The following LARP1 variants were observed in gnomAD, a reference collection of about 807,000 sequenced individuals.
The protein encoded by LARP1 is La ribonucleoprotein 1, translational regulator, also known as la-related protein 1.
In LARP1, 36 loss-of-function variants were observed where a neutral mutation model predicts 122.7. The ratio of observed to expected loss-of-function variants is 0.29; its 90% CI spans 0.22 to 0.39. The LOEUF (loss-of-function observed/expected upper bound fraction) is 0.39. LARP1 is among the 10% of genes least tolerant of loss of function. LARP1 has a pLI of 1.00. For synonymous variants in LARP1, 539 were observed against 528.7 expected, an observed-to-expected ratio of 1.02 and a Z score of -0.27; for missense variants, 1,040 against 1,403.6, an observed-to-expected ratio of 0.74 and a Z score of 4.14.
chr5:154,805,008 C>A (rs1758647235), intron 14 of LARP1: 1 of 433,458 alleles, frequency 2.3e-6, no homozygotes, highest in African/African-American at 2.0e-5. Context: ...TAACCAGAAG[C>A]CTTACCAATA....
At chr5:154,763,544 C>T (rs960328975) in intron 1 of LARP1, among the ~76,000 whole-genome samples, 2 of 151,134 alleles carry the variant, frequency 1.3e-5, no homozygotes, top group African/African-American at 2.4e-5. Flanking sequence ...TTTGGGAGAC[C>T]GAGATGGTAG....
At position 154,793,910 on chromosome 5, in the gene LARP1, A is replaced by T. The variant is rs368771276; in HGVS notation, c.979A>T (p.Ser327Cys). ...CCAGGATGAGACATCGAGTGTGAAG[A>T]GTGATGGGGCTGGTGGGGCGCGGGC... ...HDQDETSSVKSDGAGGARASF... is the reference protein window; with the variant it reads ...HDQDETSSVKCDGAGGARASF... The change falls in exon 6 of 19, where the codon AGT becomes TGT. Residue 327 changes from serine (S) to cysteine (C), a missense_variant. Coordinates refer to ENST00000518297, the MANE Select transcript of LARP1 (RefSeq NM_033551.3). 145 of 1,613,904 alleles carry T rather than the reference A, an allele frequency of 9.0e-5. No homozygotes were observed. Among genetic ancestry groups the T allele is most frequent in the Non-Finnish European group, 1.2e-4 (138 of 1,179,998 alleles).
chr5:154,709,598 ATTTTTTTTTTTTTTTTT>A (rs60062105), upstream of LARP1, among the ~76,000 whole-genome samples: 1 of 81,350 alleles, frequency 1.2e-5, no homozygotes, highest in Non-Finnish European at 2.3e-5. Flanking sequence ...CTCCAGTGAG[ATTTTTTTTTTTTTTTTT>A]TTTTTTTTTT....
intron 1 of LARP1, among the ~76,000 whole-genome samples, chr5:154,772,178 G>C (rs562852096): frequency 1.3e-5 from 2 of 152,126 alleles, no homozygotes; most frequent in Non-Finnish European, 2.9e-5. Context: ...AAATTTTCTA[G>C]TAGCCAAAAC....
rs535535522 is a variant in LARP1, at chr5:154,766,779, T to A, written c.436+10586T>A. 2.0e-5 allele frequency among the ~76,000 whole-genome samples: 3 copies of A among 152,342 alleles called. No homozygotes were observed. In the East Asian group the frequency reaches 5.8e-4, roughly 29 times the overall value. ...TTTGCCTACAGATAGGCTGCTACCC[T>A]GAGTTCTTGAGAACATTGGGCTATA... On this transcript the variant is annotated intron_variant, in intron 1 of 18. Transcript: ENST00000518297.
At chr5:154,809,882 T>C (rs563671563) in intron 16 of LARP1, among the ~76,000 whole-genome samples, 24 of 151,842 alleles carry the variant, frequency 1.6e-4, no homozygotes, top group South Asian at 1.2e-3. Context: ...ATTTTTTTTG[T>C]ATTTTTAGTA....
At position 154,762,254 on chromosome 5, in the gene LARP1, A is replaced by C. The variant is rs536168807; in HGVS notation, c.436+6061A>C. On this transcript the variant is annotated intron_variant, in intron 1 of 18. Transcript: ENST00000518297. Reference sequence around the variant, plus strand: ...GCAAGACTCCATCTCAAAACAAAACAAAAAAACCAAAAAAACCTCCTACAC... The same window carrying C: ...GCAAGACTCCATCTCAAAACAAAACCAAAAAACCAAAAAAACCTCCTACAC... Among the ~76,000 whole-genome samples the C allele has an allele frequency of 4.6e-5, 7 of 152,200 alleles. No individual in the cohort carries two copies. In the South Asian group the frequency reaches 1.0e-3, roughly 23 times the overall value.
rs749985977 is a variant in LARP1 at position 154,805,950 on chromosome 5, C to T, written c.2616C>T (p.Phe872=). ...GTACCCCTCAGTCATTGCCCAAGTTCCAGCATCCTTCCCATGAACTGCTCA... is the reference window on the plus strand; with the variant it reads ...GTACCCCTCAGTCATTGCCCAAGTTTCAGCATCCTTCCCATGAACTGCTCA... The part of the protein sequence containing the change: ...YGCTPQSLPK[F]QHPSHELLKE... Residue 872 remains phenylalanine, a synonymous_variant, in exon 15 of 19, where the codon TTC becomes TTT. Coordinates refer to ENST00000518297, the MANE Select transcript of LARP1 (RefSeq NM_033551.3). 1 of 1,614,190 alleles carries T rather than the reference C, an allele frequency of 6.2e-7. No homozygotes were observed. The highest frequency in any genetic ancestry group is 2.2e-5 in the East Asian group (1 of 44,886).
intron 16 of LARP1, among the ~76,000 whole-genome samples, chr5:154,809,841 G>A (rs1024623576): frequency 4.6e-5 from 7 of 151,676 alleles, no homozygotes; most frequent in Non-Finnish European, 2.9e-5. Context: ...GAGTAGCTGG[G>A]ACCACAGGCG....
At chr5:154,772,316 G>A (rs1755504358) in intron 1 of LARP1, among the ~76,000 whole-genome samples, 1 of 152,150 alleles carries the variant, frequency 6.6e-6, no homozygotes, top group South Asian at 2.1e-4. Flanking sequence ...CTTGATTTGG[G>A]CTAGGAACAT....
chr5:154,690,369 G>T (rs1230903043), intron 1 of LARP1, among the ~76,000 whole-genome samples: 3 of 152,090 alleles, frequency 2.0e-5, no homozygotes, highest in East Asian at 1.9e-4. Context: ...ACTGACTCCC[G>T]GGCTAATAAT....
chr5:154,779,198 C>CT (rs2113708350), intron 1 of LARP1, among the ~76,000 whole-genome samples: 1 of 152,266 alleles, frequency 6.6e-6, no homozygotes, highest in East Asian at 1.9e-4. Flanking sequence ...AGTCTGACTC[C>CT]TGGGATCATC....
At chr5:154,783,791 G>T (rs1442951633) in intron 1 of LARP1, among the ~76,000 whole-genome samples, 1 of 152,120 alleles carries the variant, frequency 6.6e-6, no homozygotes, top group Non-Finnish European at 1.5e-5. Flanking sequence ...CGTGTAATTC[G>T]TGCATCTGCG....
At chr5:154,740,089 T>TAA (rs11437990) in intron 1 of LARP1, among the ~76,000 whole-genome samples, 2,769 of 118,762 alleles carry the variant, frequency 0.023, 54 homozygotes, top group African/African-American at 0.053. Context: ...ACACAAACAT[T>TAA]AAAAAAAAAA....
chr5:154,781,331 C>T (rs775235446), intron 1 of LARP1, among the ~76,000 whole-genome samples: 8 of 152,072 alleles, frequency 5.3e-5, no homozygotes, highest in East Asian at 1.9e-4. Flanking sequence ...TCTGGGCTCA[C>T]GCCTGTAATC....
At chr5:154,733,346 GC>G (rs1426932079) in intron 1 of LARP1, among the ~76,000 whole-genome samples, 1 of 152,130 alleles carries the variant, frequency 6.6e-6, no homozygotes, top group East Asian at 1.9e-4. Context: ...ATCGGACATA[GC>G]TCTGACATTT....
chr5:154,749,719 G>A (rs890095596), intron 1 of LARP1, among the ~76,000 whole-genome samples: 3 of 152,184 alleles, frequency 2.0e-5, no homozygotes, highest in African/African-American at 7.2e-5. Flanking sequence ...CTCACTTTGT[G>A]TCAGTATAAG....
chr5:154,712,919 T>G (rs201510756), exon 1 of LARP1: 4 of 1,613,924 alleles, frequency 2.5e-6, no homozygotes, highest in Non-Finnish European at 2.5e-6. Flanking sequence ...CAGGCCCTGG[T>G]CACTCCATGC....
intron 1 of LARP1, among the ~76,000 whole-genome samples, chr5:154,764,930 A>C (rs898052678): frequency 1.2e-4 from 18 of 152,026 alleles, no homozygotes; most frequent in Admixed American, 1.2e-3. Context: ...GAAACAACAA[A>C]AAAAACCTAT....
Sources: gnomAD v4.1 joint callset for allele counts (sites outside exome capture counted in the v4.1 genomes callset) on GRCh38, gnomAD v4.1.1 for gene constraint, MANE v1.5 for transcripts, NCBI Gene and HGNC (gene_info 2026-07-23, HGNC 2026-07-21) for gene names.